Variants in HDAC8 observed in about 807,000 individuals in gnomAD.
HDAC8 encodes histone deacetylase-like 1.
Under a neutral mutation model 32.2 loss-of-function variants are expected in HDAC8, and 1 was observed. The observed-to-expected ratio is 0.03, with a 90% CI of 0.01 to 0.15. The LOEUF (loss-of-function observed/expected upper bound fraction) is 0.15. Ranked by LOEUF, HDAC8 falls within the 10% of genes least tolerant of loss-of-function variation. HDAC8 has a pLI of 1.00. For synonymous variants in HDAC8, 108 were observed against 113.9 expected (o/e 0.95, Z 0.33); for missense variants, 117 against 300.0 (o/e 0.39, Z 4.51).
chrX:72,473,820 TA>T (rs1264508128), intron 7 of HDAC8: 1 of 753,309 alleles, frequency 1.3e-6, no homozygotes, highest in African/African-American at 2.3e-5. Flanking sequence ...TCCCTCATTC[TA>T]AAACCTTCAG....
rs1323128188 is a variant in HDAC8, at chrX:72,443,232, AT to A, written c.1005+18771del. On this transcript the variant is annotated intron_variant, in intron 9 of 10. Coordinates refer to ENST00000373573, the MANE Select transcript of HDAC8 (RefSeq NM_018486.3). ...TCCACCCCAAATCAACAGAATATAC[AT>A]TTTTTTCAGCACCACACCACACCTA... Among the ~76,000 whole-genome samples the A allele has an allele frequency of 1.0e-4, 11 of 109,841 alleles. No homozygotes were observed. In the East Asian group the frequency reaches 1.1e-3, roughly 11 times the overall value.
intron 4 of HDAC8, among the ~76,000 whole-genome samples, chrX:72,537,701 G>T (rs2050576737): frequency 8.9e-6 from 1 of 111,973 alleles, no homozygotes. Context: ...GTTACCAGTT[G>T]ACTTGATCCA....
intron 4 of HDAC8, among the ~76,000 whole-genome samples, chrX:72,548,600 C>T (rs2147487383): frequency 8.9e-6 from 1 of 111,898 alleles, no homozygotes; most frequent in Admixed American, 9.5e-5. Flanking sequence ...CCTTTTCATC[C>T]TTTGAAGACA....
At chrX:72,536,587 A>G (rs2050533242) in intron 4 of HDAC8, among the ~76,000 whole-genome samples, 1 of 112,452 alleles carries the variant, frequency 8.9e-6, no homozygotes, top group South Asian at 3.7e-4. Context: ...ATACATGCAC[A>G]CAAAATACAT....
At chrX:72,468,301 A>T (rs2048076179) in intron 7 of HDAC8, among the ~76,000 whole-genome samples, 1 of 111,296 alleles carries the variant, frequency 9.0e-6, no homozygotes, top group African/African-American at 3.3e-5. Flanking sequence ...GGGTTGGCAA[A>T]AAGGGTATTG....
chrX:72,388,017 A>C (rs2045496607), intron 9 of HDAC8, among the ~76,000 whole-genome samples: 1 of 110,510 alleles, frequency 9.0e-6, no homozygotes, highest in African/African-American at 3.3e-5. Flanking sequence ...GAAGAGTAGG[A>C]CTTCATCCAG....
At chrX:72,438,763 A>G (rs973929503) in intron 9 of HDAC8, among the ~76,000 whole-genome samples, 1 of 111,667 alleles carries the variant, frequency 9.0e-6, no homozygotes, top group Non-Finnish European at 1.9e-5. Context: ...AAGATTAGAG[A>G]AAAAAGATTG....
chrX:72,428,077 C>T (rs1475611826), intron 9 of HDAC8, among the ~76,000 whole-genome samples: 3 of 112,362 alleles, frequency 2.7e-5, no homozygotes, highest in South Asian at 3.7e-4. Flanking sequence ...ATGTCTCTGG[C>T]CCCCCTTTAG....
intron 9 of HDAC8, among the ~76,000 whole-genome samples, chrX:72,458,930 T>TA (rs2047794751): frequency 8.9e-6 from 1 of 111,931 alleles, no homozygotes; most frequent in Non-Finnish European, 1.9e-5. Context: ...ATTCAAGCCT[T>TA]AATCCTTCCT....
At chrX:72,401,539 TTATC>T (rs2045902369) in intron 9 of HDAC8, among the ~76,000 whole-genome samples, 1 of 112,342 alleles carries the variant, frequency 8.9e-6, no homozygotes, top group Non-Finnish European at 1.9e-5. Context: ...CCACTTGTTA[TTATC>T]TGTCATTTTG....
chrX:72,414,215 A>C (rs2046274262), intron 9 of HDAC8, among the ~76,000 whole-genome samples: 1 of 112,266 alleles, frequency 8.9e-6, no homozygotes, highest in Non-Finnish European at 1.9e-5. Context: ...TAATTTTATC[A>C]TTTAATCTAT....
At chrX:72,331,311 C>T (rs989512092) in intron 10 of HDAC8, among the ~76,000 whole-genome samples, 1 of 111,332 alleles carries the variant, frequency 9.0e-6, no homozygotes, top group African/African-American at 3.3e-5. Flanking sequence ...TGATTTTAAA[C>T]ATATGTATAG....
At chrX:72,521,692 ATTC>A (rs1387845288) in intron 4 of HDAC8, among the ~76,000 whole-genome samples, 2 of 111,273 alleles carry the variant, frequency 1.8e-5, no homozygotes, top group African/African-American at 6.5e-5. Flanking sequence ...ATTTACTATA[ATTC>A]TTCTTTTCTC....
chrX:72,376,726 T>A (rs2045091485), intron 9 of HDAC8, among the ~76,000 whole-genome samples: 1 of 111,542 alleles, frequency 9.0e-6, no homozygotes, highest in South Asian at 3.8e-4. Flanking sequence ...ACCTAATTTT[T>A]ATTATTTCTT....
chrX:72,401,749 A>G (rs2045906990), intron 9 of HDAC8, among the ~76,000 whole-genome samples: 1 of 112,298 alleles, frequency 8.9e-6, no homozygotes, highest in Admixed American at 9.5e-5. Context: ...ACAGTTCTTT[A>G]CATGTTCTAG....
chrX:72,402,824 C>T (rs782297778), intron 9 of HDAC8, among the ~76,000 whole-genome samples: 5 of 111,246 alleles, frequency 4.5e-5, no homozygotes, highest in Non-Finnish European at 9.4e-5. Context: ...TATCTTGGGG[C>T]TCTGTTGTGA....
At chrX:72,438,757 T>C (rs1325649144) in intron 9 of HDAC8, among the ~76,000 whole-genome samples, 1 of 110,351 alleles carries the variant, frequency 9.1e-6, no homozygotes, top group Non-Finnish European at 1.9e-5. Flanking sequence ...GAAGACAAGA[T>C]TAGAGAAAAA....
chrX:72,443,100 C>A (rs1416817047), intron 9 of HDAC8, among the ~76,000 whole-genome samples: 1 of 109,741 alleles, frequency 9.1e-6, no homozygotes, highest in Non-Finnish European at 1.9e-5. Context: ...GACTTTAACA[C>A]CCCACTGTCA....
At chrX:72,526,425 G>A (rs1371640082) in intron 4 of HDAC8, among the ~76,000 whole-genome samples, 5 of 109,893 alleles carry the variant, frequency 4.5e-5, no homozygotes, top group Admixed American at 2.9e-4. Context: ...CACCTCTCTC[G>A]CCGCATTTCT....
Sources: gnomAD v4.1 joint callset for allele counts (sites outside exome capture counted in the v4.1 genomes callset) on GRCh38, gnomAD v4.1.1 for gene constraint, MANE v1.5 for transcripts, NCBI Gene and HGNC (gene_info 2026-07-23, HGNC 2026-07-21) for gene names.